Variants in MAGI2 observed in about 807,000 individuals in gnomAD.
The protein encoded by MAGI2 is membrane-associated guanylate kinase, WW and PDZ domain-containing protein 2.
In MAGI2, 35 loss-of-function variants were observed where a neutral mutation model predicts 133.3. The ratio of observed to expected loss-of-function variants is 0.26; its 90% confidence interval spans 0.20 to 0.35. The LOEUF is 0.35. MAGI2 is among the 10% of genes least tolerant of loss of function. The pLI, the probability that MAGI2 is intolerant of heterozygous loss-of-function variation, is 1.00. For synonymous variants in MAGI2, 729 were observed against 710.6 expected (o/e 1.03, Z -0.41); for missense variants, 1,636 against 1,863.4 (o/e 0.88, Z 2.25).
At chr7:78,179,271 C>T (rs759345294) in intron 13 of MAGI2, among the ~76,000 whole-genome samples, 6 of 152,212 alleles carry the variant, frequency 3.9e-5, no homozygotes, top group Admixed American at 6.5e-5. Flanking sequence ...GAAATTAAGA[C>T]GAGATTTCAG....
intron 2 of MAGI2, among the ~76,000 whole-genome samples, chr7:78,871,565 CA>C (rs564405819): frequency 1.3e-3 from 190 of 149,860 alleles, no homozygotes; most frequent in Non-Finnish European, 2.1e-3. Context: ...ATTCTGTGAA[CA>C]AAAAAAAGAG....
At chr7:78,078,843 T>A (rs1815656255) in intron 21 of MAGI2, 104 bp downstream of exon 21, 3 of 1,282,746 alleles carry the variant, frequency 2.3e-6, no homozygotes, top group Non-Finnish European at 3.4e-6. Flanking sequence ...GCTAAATATA[T>A]ATTTAGGTAG....
At chr7:79,452,717 A>G (rs1311787737) in intron 1 of MAGI2, among the ~76,000 whole-genome samples, 1 of 151,610 alleles carries the variant, frequency 6.6e-6, no homozygotes, top group East Asian at 2.0e-4. Context: ...GGGTGATGCC[A>G]CTGACGCACA....
chr7:78,703,833 A>C (rs10245307), intron 2 of MAGI2, among the ~76,000 whole-genome samples: 4,710 of 31,228 alleles, frequency 0.15, 192 homozygotes, highest in African/African-American at 0.26. Flanking sequence ...TACACACACA[A>C]ACACACACAC....
intron 21 of MAGI2, among the ~76,000 whole-genome samples, chr7:78,050,235 C>G (rs1811874362): frequency 6.6e-6 from 1 of 152,116 alleles, no homozygotes; most frequent in Admixed American, 6.5e-5. Flanking sequence ...TCAATTTTGT[C>G]CTTGAATAGT....
intron 2 of MAGI2, among the ~76,000 whole-genome samples, chr7:78,866,534 G>A: frequency 6.6e-6 from 1 of 151,938 alleles, no homozygotes; most frequent in Non-Finnish European, 1.5e-5. Context: ...CTTCACACTA[G>A]TTTGTGAGTC....
intron 1 of MAGI2, among the ~76,000 whole-genome samples, chr7:79,314,399 G>A (rs1227835884): frequency 3.3e-5 from 5 of 152,116 alleles, no homozygotes; most frequent in Admixed American, 1.3e-4. Context: ...ATAAGCCACC[G>A]TGCCTGGCCT....
intron 2 of MAGI2, among the ~76,000 whole-genome samples, chr7:78,891,614 C>A (rs976500736): frequency 6.6e-6 from 1 of 152,164 alleles, no homozygotes; most frequent in African/African-American, 2.4e-5. Flanking sequence ...GTAAACAGAA[C>A]CAATGACAAA....
At chr7:78,960,101 C>T in intron 2 of MAGI2, among the ~76,000 whole-genome samples, 1 of 151,934 alleles carries the variant, frequency 6.6e-6, no homozygotes, top group East Asian at 1.9e-4. Context: ...AACTAGAATC[C>T]TAATGCACCA....
intron 21 of MAGI2, among the ~76,000 whole-genome samples, chr7:78,069,175 C>T (rs1015755900): frequency 1.3e-5 from 2 of 152,072 alleles, no homozygotes; most frequent in Admixed American, 1.3e-4. Context: ...ACTTGATGGG[C>T]AAAGGCTGAA....
At chr7:78,273,271 T>C (rs1455711531) in intron 9 of MAGI2, among the ~76,000 whole-genome samples, 1 of 152,240 alleles carries the variant, frequency 6.6e-6, no homozygotes, top group East Asian at 1.9e-4. Flanking sequence ...GCCCCTACTC[T>C]CTTCTGGCTT....
chr7:78,382,350 C>CA lies in MAGI2; in HGVS notation c.1046-13138dup, dbSNP rs57298881. Among the ~76,000 whole-genome samples the CA allele has an allele frequency of 4.2e-3, 522 of 123,984 alleles. 2 individuals carry two copies. Among genetic ancestry groups the CA allele is most frequent in the South Asian group, 0.013 (56 of 4,292 alleles). 81.3% of individuals were successfully genotyped at this position (123,984 alleles called of 152,430 possible). A position where few individuals can be genotyped will look rare whatever the true frequency, so the allele number is the denominator to read the frequency against. On this transcript the variant is annotated intron_variant, in intron 6 of 21. Transcript: ENST00000354212. ...ACATTAATACTCATGCTCTCTTATT[C>CA]AAAAAAAAAATGTAAAATAACTTGA... is the stretch of plus-strand genomic sequence containing the variant.
intron 10 of MAGI2, among the ~76,000 whole-genome samples, chr7:78,240,910 C>T (rs141048499): frequency 4.4e-3 from 667 of 152,110 alleles, no homozygotes; most frequent in African/African-American, 0.016. Flanking sequence ...AATTTTATGT[C>T]AATTTTAAAA....
At chr7:79,191,580 G>C (rs1220402845) in intron 1 of MAGI2, among the ~76,000 whole-genome samples, 2 of 150,414 alleles carry the variant, frequency 1.3e-5, no homozygotes, top group African/African-American at 4.9e-5. Flanking sequence ...AAAATGCCTG[G>C]CCTGAACATT....
At chr7:78,213,493 C>T (rs1436172514) in intron 10 of MAGI2, among the ~76,000 whole-genome samples, 1 of 152,194 alleles carries the variant, frequency 6.6e-6, no homozygotes, top group African/African-American at 2.4e-5. Flanking sequence ...GCTCTTGGTT[C>T]ACACTTCTGT....
At chr7:78,357,628 C>A (rs1042479706) in intron 7 of MAGI2, among the ~76,000 whole-genome samples, 1 of 152,146 alleles carries the variant, frequency 6.6e-6, no homozygotes, top group Non-Finnish European at 1.5e-5. Flanking sequence ...GAATTAAGAT[C>A]TTTACATGAC....
chr7:78,483,610 T>A (rs193268035), intron 6 of MAGI2, among the ~76,000 whole-genome samples: 31 of 151,904 alleles, frequency 2.0e-4, no homozygotes, highest in East Asian at 9.8e-4. Context: ...CCTACCTGAT[T>A]TATTTTGGAT....
intron 1 of MAGI2, among the ~76,000 whole-genome samples, chr7:79,297,166 C>T (rs568062763): frequency 6.6e-6 from 1 of 152,276 alleles, no homozygotes; most frequent in East Asian, 1.9e-4. Flanking sequence ...ATCACAACCA[C>T]CACCTGGCCT....
At chr7:78,269,502 G>C (rs1173991754) in intron 9 of MAGI2, among the ~76,000 whole-genome samples, 3 of 151,918 alleles carry the variant, frequency 2.0e-5, no homozygotes, top group African/African-American at 7.3e-5. Flanking sequence ...AGTATCTCAT[G>C]GTGGTTTTGA....
Sources: gnomAD v4.1 joint callset for allele counts (sites outside exome capture counted in the v4.1 genomes callset) on GRCh38, gnomAD v4.1.1 for gene constraint, MANE v1.5 for transcripts, NCBI Gene and HGNC (gene_info 2026-07-23, HGNC 2026-07-21) for gene names.